The following PNO1 variants were observed in gnomAD, a reference collection of about 807,000 sequenced individuals.
PNO1 encodes the protein RNA-binding protein PNO1.
A neutral mutation model predicts 28.4 loss-of-function variants in PNO1; 16 were observed. The ratio of observed to expected loss-of-function variants is 0.56; its 90% CI spans 0.38 to 0.85. The LOEUF is 0.85. Ranked by LOEUF, PNO1 falls within the 40% of genes least tolerant of loss-of-function variation. The probability of loss-of-function intolerance (pLI) is 0.00; values close to 1 mark genes in which losing one functional copy is unlikely to be tolerated. For missense variants in PNO1, 304 were observed against 312.2 expected, an observed-to-expected ratio of 0.97 and a Z score of 0.20; for synonymous variants, 115 against 110.8, an observed-to-expected ratio of 1.04 and a Z score of -0.24.
At chr2:68,173,576 ATTT>A (rs34874863) in intron 6 of PNO1, among the ~76,000 whole-genome samples, 159 bp downstream of exon 6, 11 of 111,372 alleles carry the variant, frequency 9.9e-5, no homozygotes, top group Middle Eastern at 5.4e-3. Context: ...AGGAAGTAGA[ATTT>A]TTTTTTTTTT....
At chr2:68,161,196 T>G (rs1324787260) in intron 2 of PNO1, 1 of 471,028 alleles carries the variant, frequency 2.1e-6, no homozygotes, top group African/African-American at 2.0e-5. Context: ...CTTCATTCAT[T>G]CTTTATTTCC....
rs1306661089 is a variant in PNO1, at chr2:68,161,769, G to A, written c.441+3G>A. 4 of 1,585,496 alleles carry A rather than the reference G, an allele frequency of 2.5e-6. No homozygotes were observed. Among genetic ancestry groups the A allele is most frequent in the Non-Finnish European group, 2.6e-6 (3 of 1,155,108 alleles). Reference sequence around the variant, plus strand: ...TTATTCTCGGCTTTCAGGTGGAGGTGAGTAATTCCATGATATCTAAAATGG... The same window carrying A: ...TTATTCTCGGCTTTCAGGTGGAGGTAAGTAATTCCATGATATCTAAAATGG... On this transcript the variant is annotated splice_donor_region_variant and intron_variant, in intron 3 of 6. Coordinates refer to ENST00000263657, the MANE Select transcript of PNO1 (RefSeq NM_020143.4).
intron 2 of PNO1, among the ~76,000 whole-genome samples, chr2:68,160,878 C>T (rs1318282493): frequency 6.6e-6 from 1 of 152,202 alleles, no homozygotes; most frequent in African/African-American, 2.4e-5. Context: ...ATTGCACAAG[C>T]CCATATGGTT....
chr2:68,173,321 A>T, intron 5 of PNO1, 26 bp from the exon 6 acceptor site: 1 of 1,440,134 alleles, frequency 6.9e-7, no homozygotes, highest in East Asian at 2.3e-5. Flanking sequence ...CCCAGCCACT[A>T]ATTTGTCTCA....
intron 5 of PNO1, among the ~76,000 whole-genome samples, chr2:68,166,024 T>C (rs1270737747): frequency 6.6e-6 from 1 of 152,230 alleles, no homozygotes; most frequent in Non-Finnish European, 1.5e-5. Context: ...TTTCTGTCAC[T>C]CTTATTTTGC....
At chr2:68,159,601 A>C (rs1353029156) in intron 2 of PNO1, among the ~76,000 whole-genome samples, 1 of 152,172 alleles carries the variant, frequency 6.6e-6, no homozygotes, top group Non-Finnish European at 1.5e-5. Context: ...TCATACCAGA[A>C]TCGATAACCG....
intron 5 of PNO1, among the ~76,000 whole-genome samples, chr2:68,170,303 A>G (rs1028074014): frequency 2.0e-5 from 3 of 152,160 alleles, no homozygotes; most frequent in African/African-American, 7.2e-5. Flanking sequence ...TGTGTCTTGA[A>G]GCCTCCATTC....
chr2:68,162,401 CAATT>C, intron 4 of PNO1, 76 bp downstream of exon 4: 1 of 1,188,552 alleles, frequency 8.4e-7, no homozygotes, highest in Non-Finnish European at 1.2e-6. Flanking sequence ...CTAATAGCAT[CAATT>C]GAGCTGTATT....
intron 2 of PNO1, among the ~76,000 whole-genome samples, chr2:68,158,992 G>C (rs937551708): frequency 4.6e-5 from 7 of 152,100 alleles, no homozygotes; most frequent in Non-Finnish European, 2.9e-5. Flanking sequence ...GTGTATATTT[G>C]TTTATATATT....
At chr2:68,167,413 G>C (rs1335465975) in intron 5 of PNO1, among the ~76,000 whole-genome samples, 3 of 152,210 alleles carry the variant, frequency 2.0e-5, no homozygotes, top group Non-Finnish European at 2.9e-5. Context: ...CAGAAAAAGA[G>C]CTCTCCTTGT....
At chr2:68,163,760 T>A (rs749926264) in intron 5 of PNO1, among the ~76,000 whole-genome samples, 4 of 152,104 alleles carry the variant, frequency 2.6e-5, no homozygotes, top group Non-Finnish European at 5.9e-5. Flanking sequence ...CAGTTATATG[T>A]GAACATAAAC....
At chr2:68,165,478 G>A (rs1489830519) in intron 5 of PNO1, among the ~76,000 whole-genome samples, 14 of 150,348 alleles carry the variant, frequency 9.3e-5, no homozygotes, top group African/African-American at 2.9e-4. Context: ...CCTGGGAGGC[G>A]GAGACTGCAG....
intron 5 of PNO1, among the ~76,000 whole-genome samples, chr2:68,172,494 G>T (rs184744811): frequency 2.6e-4 from 40 of 152,322 alleles, no homozygotes; most frequent in African/African-American, 8.4e-4. Context: ...AGTGAAAACA[G>T]TTTGGAAGAT....
At position 68,169,663 on chromosome 2, in the gene PNO1, G is replaced by GT. The variant is rs1442140616; in HGVS notation, c.621-3683dup. On this transcript the variant is annotated intron_variant, in intron 5 of 6. Transcript: ENST00000263657. The stretch of plus-strand genomic sequence containing the variant: ...TCATATATGGCTTGTGTTTGTGTGC[G>GT]TAAGTTTTAATTTTAACTTTTTATA... Among the ~76,000 whole-genome samples the GT allele has an allele frequency of 7.9e-5, 12 of 152,216 alleles. 1 individual carries two copies. In the East Asian group the frequency reaches 1.7e-3, roughly 22 times the overall value.
chr2:68,168,274 T>C (rs1182312461), intron 5 of PNO1, among the ~76,000 whole-genome samples: 1 of 152,178 alleles, frequency 6.6e-6, no homozygotes, highest in Non-Finnish European at 1.5e-5. Flanking sequence ...GACTTAACAT[T>C]TAAAATACCT....
Position 68,175,054 on chromosome 2 carries a change from A to T in PNO1, c.*252A>T, listed in dbSNP as rs1309528315. 2.7e-6 allele frequency: 1 copy of T among 366,950 alleles called. No homozygotes were observed. The highest frequency in any genetic ancestry group is 2.0e-5 in the African/African-American group (1 of 48,918). 22.7% of individuals were successfully genotyped at this position (366,950 alleles called of 1,614,324 possible). A position where few individuals can be genotyped will look rare whatever the true frequency, so the allele number is the denominator to read the frequency against. ...TAGGTATAATTTATCATTTATCTGAAATCACATGTAGCAGATTGCATAGTC... is the reference window on the plus strand; with the variant it reads ...TAGGTATAATTTATCATTTATCTGATATCACATGTAGCAGATTGCATAGTC... On this transcript the variant is annotated 3_prime_UTR_variant, in exon 7 of 7. Transcript: ENST00000263657.
chr2:68,164,343 T>G (rs1673918522), intron 5 of PNO1, among the ~76,000 whole-genome samples: 1 of 151,084 alleles, frequency 6.6e-6, no homozygotes, highest in South Asian at 2.1e-4. Flanking sequence ...ATACAAAAAT[T>G]AGCCGGGTGT....
intron 5 of PNO1, among the ~76,000 whole-genome samples, chr2:68,168,592 T>C (rs550424027): frequency 6.6e-6 from 1 of 152,350 alleles, no homozygotes; most frequent in South Asian, 2.1e-4. Flanking sequence ...GCAATTAGAA[T>C]GTCATTTACT....
Position 68,173,391 on chromosome 2 carries a change from GA to G in PNO1, c.667del (p.Thr223LeufsTer6). On this transcript the variant is annotated frameshift_variant, in exon 6 of 7. Coordinates refer to ENST00000263657, the MANE Select transcript of PNO1 (RefSeq NM_020143.4). LOFTEE classifies it high-confidence loss of function. ...LGSFQNIKMA[R>X]TAICNLILGN... ...TCCTTCCAAAATATCAAGATGGCAA[GA>G]ACTGCCATTTGCAACCTAATCTTGG... The G allele has an allele frequency of 6.2e-7, 1 of 1,606,516 alleles. No individual in the cohort carries two copies. The highest frequency in any genetic ancestry group is 8.5e-7 in the Non-Finnish European group (1 of 1,173,344).
Sources: gnomAD v4.1 joint callset for allele counts (sites outside exome capture counted in the v4.1 genomes callset) on GRCh38, gnomAD v4.1.1 for gene constraint, MANE v1.5 for transcripts, NCBI Gene and HGNC (gene_info 2026-07-23, HGNC 2026-07-21) for gene names.